Variants in CHIC1 observed in about 807,000 individuals in gnomAD.
CHIC1 encodes the protein cysteine-rich hydrophobic domain-containing protein 1.
A neutral mutation model predicts 18.5 loss-of-function variants in CHIC1; 7 were observed. That is an observed-to-expected ratio of 0.38 (90% confidence interval 0.22 to 0.71). CHIC1 has a LOEUF of 0.71. Among genes scored for constraint, CHIC1 ranks in the 30% least tolerant of loss-of-function variants. The probability of loss-of-function intolerance (pLI) is 0.49; values close to 1 mark genes in which losing one functional copy is unlikely to be tolerated. For missense variants in CHIC1, 159 were observed against 176.9 expected, an observed-to-expected ratio of 0.90 and a Z score of 0.57; for synonymous variants, 77 against 73.5, an observed-to-expected ratio of 1.05 and a Z score of -0.25.
chrX:73,641,926 C>A (rs1406881957), intron 3 of CHIC1, among the ~76,000 whole-genome samples: 1 of 111,661 alleles, frequency 9.0e-6, no homozygotes, highest in African/African-American at 3.3e-5. Context: ...CATTGTTGGA[C>A]ATTTGGGTTG....
At chrX:73,625,720 G>C (rs1035473924) in intron 3 of CHIC1, among the ~76,000 whole-genome samples, 2 of 111,035 alleles carry the variant, frequency 1.8e-5, no homozygotes, top group African/African-American at 6.6e-5. Flanking sequence ...TTATTGAGAG[G>C]ATCCTCTAAC....
chrX:73,616,713 A>G (rs1161376698), intron 3 of CHIC1, among the ~76,000 whole-genome samples: 4 of 111,742 alleles, frequency 3.6e-5, no homozygotes, highest in African/African-American at 1.3e-4. Context: ...CTCTGAAACC[A>G]TGGCCCAAGC....
At chrX:73,654,012 C>T (rs1410144683) in intron 3 of CHIC1, among the ~76,000 whole-genome samples, 2 of 111,809 alleles carry the variant, frequency 1.8e-5, no homozygotes, top group Non-Finnish European at 3.8e-5. Flanking sequence ...TTCTTTCTTC[C>T]TTTGTTGCTT....
At chrX:73,664,033 T>C (rs2057993278) in intron 3 of CHIC1, among the ~76,000 whole-genome samples, 1 of 111,290 alleles carries the variant, frequency 9.0e-6, no homozygotes, top group Non-Finnish European at 1.9e-5. Flanking sequence ...CCCTGATTCT[T>C]TGGGGCAGAG....
At chrX:73,604,425 G>A (rs140246790) in intron 3 of CHIC1, among the ~76,000 whole-genome samples, 3,513 of 103,516 alleles carry the variant, frequency 0.034, 416 homozygotes, top group African/African-American at 0.12. Flanking sequence ...TCTGGCTAGC[G>A]GTCTATTTTG....
intron 3 of CHIC1, among the ~76,000 whole-genome samples, chrX:73,674,620 CTCTTT>C (rs1226668372): frequency 2.7e-5 from 3 of 111,648 alleles, no homozygotes; most frequent in Non-Finnish European, 3.8e-5. Flanking sequence ...TGATTCTTCT[CTCTTT>C]TCTTTTTTAT....
chrX:73,676,764 A>G (rs753648472), intron 3 of CHIC1, among the ~76,000 whole-genome samples: 131 of 111,608 alleles, frequency 1.2e-3, no homozygotes, highest in African/African-American at 4.0e-3. Context: ...GCTTTGTGCC[A>G]TTGCTGGTGA....
intron 3 of CHIC1, among the ~76,000 whole-genome samples, chrX:73,605,630 C>G (rs1436730859): frequency 9.2e-6 from 1 of 108,661 alleles, no homozygotes; most frequent in Admixed American, 9.7e-5. Context: ...GTAGCTGTTA[C>G]TGATTTTTCG....
In CHIC1 at chrX:73,618,124, C is replaced by T. The variant is rs139493219; in HGVS notation, c.507+33552C>T. On this transcript the variant is annotated intron_variant, in intron 3 of 5. Transcript: ENST00000373502. The stretch of plus-strand genomic sequence containing the variant: ...GAGGTGTCTGCACATAGTTCTGTGA[C>T]GTGAACTGTCTTCAGGTCTCTCCGC... 1.4e-4 allele frequency among the ~76,000 whole-genome samples: 16 copies of T among 111,600 alleles called. 1 individual carries two copies. In the East Asian group the frequency reaches 3.7e-3, roughly 26 times the overall value.
intron 3 of CHIC1, among the ~76,000 whole-genome samples, chrX:73,669,201 C>A (rs1190130163): frequency 9.0e-6 from 1 of 111,676 alleles, no homozygotes; most frequent in African/African-American, 3.3e-5. Flanking sequence ...GACCAACCAA[C>A]CCAAGTGGTG....
chrX:73,655,412 ATT>A (rs2057938137), intron 3 of CHIC1, among the ~76,000 whole-genome samples: 1 of 97,335 alleles, frequency 1.0e-5, no homozygotes, highest in Non-Finnish European at 2.0e-5. Flanking sequence ...TATATACAAT[ATT>A]GTGTATATAT....
At chrX:73,628,385 T>C (rs950122060) in intron 3 of CHIC1, among the ~76,000 whole-genome samples, 3 of 111,760 alleles carry the variant, frequency 2.7e-5, no homozygotes, top group African/African-American at 9.8e-5. Context: ...CCTTATGGGG[T>C]AGACCACCTT....
At position 73,609,142 on chromosome X, in the gene CHIC1, G is replaced by C. The variant is rs759110609; in HGVS notation, c.507+24570G>C. ...TCTACTCCAGCCTGGGTGACAGAGT[G>C]AGACACCATCTCTAAAAAAAAAAAA... is the stretch of plus-strand genomic sequence containing the variant. On this transcript the variant is annotated intron_variant, in intron 3 of 5. Coordinates refer to ENST00000373502, the MANE Select transcript of CHIC1 (RefSeq NM_001039840.4). Among the ~76,000 whole-genome samples the C allele has an allele frequency of 8.2e-5, 8 of 97,714 alleles. No homozygotes were observed. The South Asian group carries it at 3.6e-3, about 44-fold the overall frequency. 84.9% of individuals were successfully genotyped at this position (97,714 alleles called of 115,157 possible).
At chrX:73,606,548 TG>T in intron 3 of CHIC1, among the ~76,000 whole-genome samples, 1 of 107,828 alleles carries the variant, frequency 9.3e-6, no homozygotes. Context: ...TGTGATCTTT[TG>T]GGGGAGAAGA....
chrX:73,564,050 C>CACGT (rs1362167409), intron 1 of CHIC1, among the ~76,000 whole-genome samples: 1 of 111,934 alleles, frequency 8.9e-6, no homozygotes, highest in African/African-American at 3.3e-5. Flanking sequence ...TTCATTCACC[C>CACGT]ACGTATTCAT....
At chrX:73,675,181 G>A (rs975376985) in intron 3 of CHIC1, among the ~76,000 whole-genome samples, 24 of 111,817 alleles carry the variant, frequency 2.1e-4, no homozygotes, top group Non-Finnish European at 2.8e-4. Flanking sequence ...TAGGTGTGGT[G>A]TGGTGCTGAA....
At chrX:73,635,583 G>A (rs2057828067) in intron 3 of CHIC1, among the ~76,000 whole-genome samples, 1 of 111,366 alleles carries the variant, frequency 9.0e-6, no homozygotes, top group African/African-American at 3.3e-5. Context: ...TCCTGATTCA[G>A]CCTTAGTAGT....
At chrX:73,678,230 G>A (rs1254543202) in intron 3 of CHIC1, among the ~76,000 whole-genome samples, 1 of 111,791 alleles carries the variant, frequency 8.9e-6, no homozygotes, top group African/African-American at 3.3e-5. Flanking sequence ...GGCTCAGGCT[G>A]CAGTTGATTG....
chrX:73,655,406 T>TAC (rs2053209443), intron 3 of CHIC1, among the ~76,000 whole-genome samples: 1 of 97,389 alleles, frequency 1.0e-5, no homozygotes, highest in Non-Finnish European at 2.0e-5. Flanking sequence ...TACATATATA[T>TAC]ACAATATTGT....
Sources: allele counts gnomAD v4.1 joint callset (sites outside exome capture counted in the v4.1 genomes callset), GRCh38; gene constraint gnomAD v4.1.1; transcripts MANE v1.5; gene names NCBI Gene and HGNC (gene_info 2026-07-23, HGNC 2026-07-21).